The following SPEG variants were observed in gnomAD, a reference collection of about 807,000 sequenced individuals.
SPEG encodes striated muscle preferentially expressed protein kinase.
In SPEG, 114 loss-of-function variants were observed where a neutral mutation model predicts 300.4. That is an observed-to-expected ratio of 0.38 (90% CI 0.33 to 0.44). The LOEUF (loss-of-function observed/expected upper bound fraction) is 0.44. Ranked by LOEUF, SPEG falls within the 20% of genes least tolerant of loss-of-function variation. The pLI, the probability that SPEG is intolerant of heterozygous loss-of-function variation, is 1.00. For missense variants in SPEG, 4,201 were observed against 4,586.2 expected (o/e 0.92, Z 2.43); for synonymous variants, 1,964 against 2,018.9 (o/e 0.97, Z 0.73).
intron 9 of SPEG, chr2:219,465,801 G>T: frequency 1.7e-6 from 1 of 589,670 alleles, no homozygotes; most frequent in Non-Finnish European, 3.1e-6. Flanking sequence ...GCGTGCCTGT[G>T]CGTGCATGTG....
chr2:219,477,612 T>C lies in SPEG; in HGVS notation c.4730-77T>C. 2 of 1,415,396 alleles carry C rather than the reference T, an allele frequency of 1.4e-6. No individual in the cohort carries two copies. Among genetic ancestry groups the C allele is most frequent in the East Asian group, 2.3e-5 (1 of 43,346 alleles). The allele number at this position is 1,415,396 out of a possible 1,614,324, so 87.7% of individuals were successfully genotyped here. On this transcript the variant is annotated intron_variant, in intron 20 of 40. Transcript: ENST00000312358. This position sits in a 1 kb window ranked among gnomAD's most constrained non-coding sequence, Gnocchi z 6.4. ...TTCTTGCACCTCTTCTCTCTTCTTC[T>C]TCTGTCCACCTGTCCCAGTCTCTGG...
In SPEG at chr2:219,449,034, C is replaced by T. The variant is rs1214495655; in HGVS notation, c.1876C>T (p.Pro626Ser). 1.3e-6 allele frequency: 2 copies of T among 1,517,590 alleles called. No individual in the cohort carries two copies. The highest frequency in any genetic ancestry group is 1.8e-6 in the Non-Finnish European group (2 of 1,132,854). The allele number at this position is 1,517,590 out of a possible 1,614,324, so 94.0% of individuals were successfully genotyped here. The change falls in exon 4 of 41, where the codon CCC becomes TCC. Residue 626 changes from proline to serine, a missense_variant. Physicochemically the swap from Pro to Ser is moderately conservative, Grantham distance 74 (BLOSUM62 -1). Coordinates refer to ENST00000312358, the MANE Select transcript of SPEG (RefSeq NM_005876.5). ...TCCCCCAGAGGCCAGGACGAAAGCA[C>T]CCCCCGGTCGGAAGCGGGAGCCCCC... is the stretch of plus-strand genomic sequence containing the variant. ...ADPPEARTKA[P>S]PGRKREPPAQ... is the part of the protein sequence containing the mutation.
At chr2:219,465,820 C>T (rs1035637651) in intron 9 of SPEG, 11 of 601,808 alleles carry the variant, frequency 1.8e-5, no homozygotes, top group East Asian at 1.5e-4. Flanking sequence ...TGTGCGTGTG[C>T]GTGCGCATGC....
rs1321242671 is a variant in SPEG at position 219,439,344 on chromosome 2, G to T, written c.388+3979G>T. On this transcript the variant is annotated intron_variant, in intron 1 of 40. Transcript: ENST00000312358. The surrounding 1 kb of genome is among the most constrained non-coding windows in gnomAD (Gnocchi z 4.5). ...GGGGTTGAGGGAGACCAAAATTTAT[G>T]TCCTCCAGGGGATAACTTTCTAGTG... Among the ~76,000 whole-genome samples the T allele has an allele frequency of 6.6e-6, 1 of 152,110 alleles. No individual in the cohort carries two copies. The highest frequency in any genetic ancestry group is 1.5e-5 in the Non-Finnish European group (1 of 68,032).
At chr2:219,462,180 CT>C in intron 7 of SPEG, 117 bp from the exon 8 acceptor site, 1 of 1,206,760 alleles carries the variant, frequency 8.3e-7, no homozygotes, top group Non-Finnish European at 1.2e-6. Context: ...TTCAAACCCT[CT>C]TACCCAGAGC....
In SPEG at chr2:219,451,899, C is replaced by G; in HGVS notation, c.2440+92C>G. 7.5e-7 allele frequency: 1 copy of G among 1,334,524 alleles called. No individual in the cohort carries two copies. The highest frequency in any genetic ancestry group is 1.6e-5 in the South Asian group (1 of 64,280). 82.7% of individuals were successfully genotyped at this position (1,334,524 alleles called of 1,614,324 possible). A position where few individuals can be genotyped will look rare whatever the true frequency, so the allele number is the denominator to read the frequency against. ...AGTCCACCTCCCTTCCCACTCTCAG[C>G]CTTGAGCTTGGGCACCCCGCCAGCA... is the stretch of plus-strand genomic sequence containing the variant. On this transcript the variant is annotated intron_variant, in intron 6 of 40. Transcript: ENST00000312358. This position sits in a 1 kb window ranked among gnomAD's most constrained non-coding sequence, Gnocchi z 6.4.
In SPEG at chr2:219,483,569, G is replaced by C. The variant is rs767144049; in HGVS notation, c.6106G>C (p.Ala2036Pro). The C allele has an allele frequency of 6.9e-7, 1 of 1,453,088 alleles. No individual in the cohort carries two copies. The highest frequency in any genetic ancestry group is 1.4e-5 in the South Asian group (1 of 71,112). 90.0% of individuals were successfully genotyped at this position (1,453,088 alleles called of 1,614,324 possible). A position where few individuals can be genotyped will look rare whatever the true frequency, so the allele number is the denominator to read the frequency against. ...GCTGGGCCGGGGCCTGCACAAGGCG[G>C]CGTCTGTGGAGCTGCCGCAGCGCCG... is the stretch of plus-strand genomic sequence containing the variant. ...RELGRGLHKA[A>P]SVELPQRRSP... The change falls in exon 30 of 41, where the codon GCG becomes CCG. Residue 2036 changes from alanine (A) to proline (P), a missense_variant. Ala to Pro is a conservative substitution (Grantham distance 27). Coordinates refer to ENST00000312358, the MANE Select transcript of SPEG (RefSeq NM_005876.5).
At chr2:219,491,033 A>G in intron 38 of SPEG, 77 bp downstream of exon 38, 2 of 1,103,502 alleles carry the variant, frequency 1.8e-6, no homozygotes, top group Non-Finnish European at 2.7e-6. Flanking sequence ...ACCCCACTTC[A>G]CTTACATATG....
Position 219,448,302 on chromosome 2 carries a change from G to A in SPEG, c.1144G>A (p.Gly382Ser). ...CCAGACGCCACTGAGCGAGGCCTCAGGCCGCCTGTCGGCGTTGGGCCGATC... is the reference window on the plus strand; with the variant it reads ...CCAGACGCCACTGAGCGAGGCCTCAAGCCGCCTGTCGGCGTTGGGCCGATC... Reference protein sequence around the residue: ...RPQTPLSEASGRLSALGRSPR... With the variant: ...RPQTPLSEASSRLSALGRSPR... Residue 382 changes from glycine to serine, a missense_variant, in exon 4 of 41, where the codon GGC (glycine) becomes AGC (serine). By Grantham distance (56) the Gly-to-Ser change is moderately conservative (BLOSUM62 0). Around this residue, in one of 4 missense-constraint regions of SPEG, gnomAD observed 1,258 missense variants for 1,293.9 expected, o/e 0.97. Transcript: ENST00000312358. 2 of 1,608,742 alleles carry A rather than the reference G, an allele frequency of 1.2e-6. No homozygotes were observed. Among genetic ancestry groups the A allele is most frequent in the Non-Finnish European group, 1.7e-6 (2 of 1,178,404 alleles).
At position 219,464,308 on chromosome 2, in the gene SPEG, G is replaced by T; in HGVS notation, c.2706-125G>T. On this transcript the variant is annotated intron_variant, in intron 8 of 40. Coordinates refer to ENST00000312358, the MANE Select transcript of SPEG (RefSeq NM_005876.5). This position sits in a 1 kb window ranked among gnomAD's most constrained non-coding sequence, Gnocchi z 4.5. ...AACCAGGGATGCCCACGGTCAGTGG[G>T]ACAGATCTGGGGACTGGGCAAACTG... is the stretch of plus-strand genomic sequence containing the variant. The T allele has an allele frequency of 9.3e-7, 1 of 1,073,582 alleles. No individual in the cohort carries two copies. Among genetic ancestry groups the T allele is most frequent in the Non-Finnish European group, 1.3e-6 (1 of 750,972 alleles). 66.5% of individuals were successfully genotyped at this position (1,073,582 alleles called of 1,614,324 possible).
rs746284074 is a variant in SPEG, at chr2:219,478,128, C to A, written c.5027+23C>A. 26 of 1,599,522 alleles carry A rather than the reference C, an allele frequency of 1.6e-5. No homozygotes were observed. The South Asian group carries it at 2.6e-4, about 16-fold the overall frequency. On this transcript the variant is annotated intron_variant, in intron 22 of 40. Coordinates refer to ENST00000312358, the MANE Select transcript of SPEG (RefSeq NM_005876.5). Reference sequence around the variant, plus strand: ...GCTGTATCCTGGGACAGGCTGGGGGCTAGGGGGATCCATGCCTAAATGACT... The same window carrying A: ...GCTGTATCCTGGGACAGGCTGGGGGATAGGGGGATCCATGCCTAAATGACT...
rs760096668 is a variant in SPEG at position 219,484,494 on chromosome 2, C to T, written c.7031C>T (p.Pro2344Leu). Residue 2344 changes from proline (P) to leucine (L), a missense_variant, in exon 30 of 41, where the codon CCC (proline) becomes CTC (leucine). Coordinates refer to ENST00000312358, the MANE Select transcript of SPEG (RefSeq NM_005876.5). ...AAGTTCAAGCGCAGCCGCGAGTCGC[C>T]CCTGTCGCTGGGGCTGCGGCTGCTG... ...EAKFKRSRES[P>L]LSLGLRLLSR... 7.5e-6 allele frequency: 12 copies of T among 1,607,680 alleles called. No homozygotes were observed. In the African/African-American group the frequency reaches 1.3e-4, roughly 18 times the overall value.
At position 219,448,278 on chromosome 2, in the gene SPEG, C is replaced by T; in HGVS notation, c.1120C>T (p.Gln374Ter). Residue 374 changes from glutamine to a stop codon, truncating the protein, a stop_gained, in exon 4 of 41, where the codon CAG (glutamine) becomes TAG (stop). Coordinates refer to ENST00000312358, the MANE Select transcript of SPEG (RefSeq NM_005876.5). LOFTEE classifies it high-confidence loss of function. ...GGCGGGCACCGCGGAATCCCGACCC[C>T]AGACGCCACTGAGCGAGGCCTCAGG... ...SLAGTAESRP[Q>*]TPLSEASGRL... The T allele has an allele frequency of 1.2e-6, 2 of 1,611,634 alleles. No homozygotes were observed. Among genetic ancestry groups the T allele is most frequent in the Non-Finnish European group, 8.5e-7 (1 of 1,179,398 alleles).
At chr2:219,490,065 T>G in intron 36 of SPEG, 126 bp downstream of exon 36, 1 of 1,134,354 alleles carries the variant, frequency 8.8e-7, no homozygotes, top group Non-Finnish European at 1.2e-6. Context: ...CCTGGGTTAT[T>G]AGAATGATTG....
chr2:219,481,164 C>A lies in SPEG; in HGVS notation c.5370-140C>A. The A allele has an allele frequency of 1.1e-6, 1 of 894,568 alleles. No homozygotes were observed. The highest frequency in any genetic ancestry group is 1.7e-6 in the Non-Finnish European group (1 of 575,484). The allele number at this position is 894,568 out of a possible 1,614,324, so 55.4% of individuals were successfully genotyped here. A position where few individuals can be genotyped will look rare whatever the true frequency, so the allele number is the denominator to read the frequency against. The stretch of plus-strand genomic sequence containing the variant: ...GGACAGGGCAGGAGAGAGTCCGCAG[C>A]CTCACCTCTTACCCACATTTGCCCA... On this transcript the variant is annotated intron_variant, in intron 26 of 40. Coordinates refer to ENST00000312358, the MANE Select transcript of SPEG (RefSeq NM_005876.5). This position sits in a 1 kb window ranked among gnomAD's most constrained non-coding sequence, Gnocchi z 5.4.
intron 6 of SPEG, among the ~76,000 whole-genome samples, chr2:219,452,750 G>A (rs929790872): frequency 3.3e-5 from 5 of 152,122 alleles, no homozygotes; most frequent in African/African-American, 1.2e-4. Flanking sequence ...CGGGGAAGGC[G>A]GGACATGCCA....
In SPEG at chr2:219,483,820, AC is replaced by A; in HGVS notation, c.6358del (p.Leu2120SerfsTer119). 3 of 1,579,594 alleles carry A rather than the reference AC, an allele frequency of 1.9e-6. No homozygotes were observed. The highest frequency in any genetic ancestry group is 2.6e-6 in the Non-Finnish European group (3 of 1,169,804). ...AGGCAGCGCCCCACCACCAGCCCCC[AC>A]TCGAGAACCGGGGCCTGCAAAAGAG... The part of the protein sequence containing the change: ...SEAAPHHQPP[L>X]ENRGLQKSSS... On this transcript the variant is annotated frameshift_variant, in exon 30 of 41. Coordinates refer to ENST00000312358, the MANE Select transcript of SPEG (RefSeq NM_005876.5). LOFTEE classifies it high-confidence loss of function.
At chr2:219,466,225 A>AG in intron 9 of SPEG, 1 of 1,422,164 alleles carries the variant, frequency 7.0e-7, no homozygotes, top group Non-Finnish European at 9.3e-7. Flanking sequence ...TGCAGCCCCC[A>AG]GGGGGATAGC....
chr2:219,483,100 C>A lies in SPEG; in HGVS notation c.5637C>A (p.Arg1879=). 6.2e-7 allele frequency: 1 copy of A among 1,605,666 alleles called. No homozygotes were observed. The change falls in exon 30 of 41, where the codon CGC becomes CGA. Residue 1879 remains arginine (R), a splice_region_variant and synonymous_variant. Coordinates refer to ENST00000312358, the MANE Select transcript of SPEG (RefSeq NM_005876.5). ...TGACTCCAGTACCCTGTCTCCAGCGCTCCCAGATCAGCTACAAATGCCACC... is the reference window on the plus strand; with the variant it reads ...TGACTCCAGTACCCTGTCTCCAGCGATCCCAGATCAGCTACAAATGCCACC... ...KLFLSRRRWQ[R]SQISYKCHLV...
Sources: allele counts gnomAD v4.1 joint callset (sites outside exome capture counted in the v4.1 genomes callset), GRCh38; gene constraint gnomAD v4.1.1; regional missense constraint gnomAD v4.1.1; non-coding constraint Gnocchi (gnomAD v3.1); transcripts MANE v1.5; gene names NCBI Gene and HGNC (gene_info 2026-07-23, HGNC 2026-07-21).